Variants in ORC4 observed in about 807,000 individuals in gnomAD.
The protein encoded by ORC4 is origin recognition complex subunit 4.
In ORC4, 55 loss-of-function variants were observed where a neutral mutation model predicts 63.9. That is an observed-to-expected ratio of 0.86 (90% CI 0.69 to 1.08). ORC4 has a LOEUF of 1.08. Among genes scored for constraint, ORC4 ranks in the 50% least tolerant of loss-of-function variants. The pLI, the probability that ORC4 is intolerant of heterozygous loss-of-function variation, is 0.00. For missense variants in ORC4, 511 were observed against 504.4 expected (o/e 1.01, Z -0.13); for synonymous variants, 150 against 168.5 (o/e 0.89, Z 0.85).
chr2:147,946,851 G>T (rs1688685858), intron 9 of ORC4, among the ~76,000 whole-genome samples: 1 of 151,928 alleles, frequency 6.6e-6, no homozygotes, highest in Non-Finnish European at 1.5e-5. Flanking sequence ...TGTAGACCAA[G>T]TAATTATTCC....
At chr2:147,969,387 T>C (rs1024758010) in intron 4 of ORC4, among the ~76,000 whole-genome samples, 42 of 152,086 alleles carry the variant, frequency 2.8e-4, no homozygotes, top group African/African-American at 1.0e-3. Flanking sequence ...AACATCACTA[T>C]ATATCCCATG....
chr2:147,937,667 C>T (rs1688127071), intron 13 of ORC4, among the ~76,000 whole-genome samples: 1 of 152,116 alleles, frequency 6.6e-6, no homozygotes, highest in Non-Finnish European at 1.5e-5. Context: ...TTACATGGCT[C>T]ACATTATCTT....
At chr2:148,013,789 C>T (rs1693109202) in intron 1 of ORC4, among the ~76,000 whole-genome samples, 1 of 151,854 alleles carries the variant, frequency 6.6e-6, no homozygotes, top group Non-Finnish European at 1.5e-5. Flanking sequence ...AATCAAATCT[C>T]AGAAGTAAAA....
chr2:147,998,181 A>G (rs903719472), intron 1 of ORC4, among the ~76,000 whole-genome samples: 16 of 152,238 alleles, frequency 1.1e-4, no homozygotes, highest in Admixed American at 1.3e-4. Flanking sequence ...CAATACAAAA[A>G]AGAAACAAAG....
At position 147,934,565 on chromosome 2, in the gene ORC4, T is replaced by C. The variant is rs1687941764; in HGVS notation, c.*945A>G. 6.6e-6 allele frequency: 1 copy of C among 152,136 alleles called. No individual in the cohort carries two copies. Among genetic ancestry groups the C allele is most frequent in the African/African-American group, 2.4e-5 (1 of 41,438 alleles). The allele number at this position is 152,136 out of a possible 1,614,324, so 9.4% of individuals were successfully genotyped here. A position where few individuals can be genotyped will look rare whatever the true frequency, so the allele number is the denominator to read the frequency against. On this transcript the variant is annotated 3_prime_UTR_variant, in exon 14 of 14. Transcript: ENST00000392857. ...ATGTGTCTTTGGGTGATTTCATCACTGTATGAACATCACAGAGTATACTTA... is the reference window on the plus strand; with the variant it reads ...ATGTGTCTTTGGGTGATTTCATCACCGTATGAACATCACAGAGTATACTTA...
At chr2:147,958,759 A>G in intron 5 of ORC4, 32 bp downstream of exon 5, 1 of 1,066,398 alleles carries the variant, frequency 9.4e-7, no homozygotes, top group South Asian at 1.3e-5. Flanking sequence ...AAGTTTACAT[A>G]ATCTCCAATG....
At chr2:147,988,409 G>T (rs1301956594) in intron 1 of ORC4, among the ~76,000 whole-genome samples, 3 of 151,682 alleles carry the variant, frequency 2.0e-5, no homozygotes, top group Non-Finnish European at 4.4e-5. Context: ...GCCCTGGTGG[G>T]AGTGCAAGGT....
At chr2:147,951,949 T>C (rs776037093) in intron 8 of ORC4, among the ~76,000 whole-genome samples, 2 of 152,238 alleles carry the variant, frequency 1.3e-5, no homozygotes, top group Non-Finnish European at 2.9e-5. Context: ...GTAGAATCTT[T>C]TCCATTTCTG....
intron 4 of ORC4, among the ~76,000 whole-genome samples, chr2:147,962,704 C>A (rs139185495): frequency 2.0e-5 from 3 of 152,040 alleles, no homozygotes; most frequent in African/African-American, 7.3e-5. Context: ...GGAGAGGCCC[C>A]CGAGCATCCA....
intron 6 of ORC4, among the ~76,000 whole-genome samples, chr2:147,957,125 A>C (rs1358387374): frequency 2.0e-5 from 3 of 147,864 alleles, no homozygotes; most frequent in African/African-American, 7.3e-5. Context: ...TTAATAATTT[A>C]GATTATAATC....
chr2:147,981,015 A>C (rs1402126892), intron 1 of ORC4, among the ~76,000 whole-genome samples: 2 of 152,236 alleles, frequency 1.3e-5, no homozygotes, highest in Non-Finnish European at 2.9e-5. Context: ...GTATATATAC[A>C]CAATAGAACA....
At chr2:147,980,919 C>T (rs1416097550) in intron 1 of ORC4, among the ~76,000 whole-genome samples, 1 of 152,098 alleles carries the variant, frequency 6.6e-6, no homozygotes, top group African/African-American at 2.4e-5. Context: ...TATCCTCACT[C>T]CCATATACAC....
intron 4 of ORC4, among the ~76,000 whole-genome samples, chr2:147,971,339 GAA>G (rs1690199071): frequency 6.6e-6 from 1 of 151,368 alleles, no homozygotes; most frequent in South Asian, 2.1e-4. Flanking sequence ...TTAATAGTAT[GAA>G]AAGAAAAGCC....
At chr2:147,976,973 A>C (rs1690595880) in intron 1 of ORC4, among the ~76,000 whole-genome samples, 1 of 152,174 alleles carries the variant, frequency 6.6e-6, no homozygotes, top group African/African-American at 2.4e-5. Flanking sequence ...AAAAGACCTA[A>C]TTTTCTTAGC....
At chr2:147,998,526 T>A (rs561559514) in intron 1 of ORC4, among the ~76,000 whole-genome samples, 1 of 152,278 alleles carries the variant, frequency 6.6e-6, no homozygotes, top group South Asian at 2.1e-4. Flanking sequence ...CTCCTCAGAT[T>A]TTCCTCTCTT....
chr2:147,974,155 A>G (rs1195069976), intron 2 of ORC4, among the ~76,000 whole-genome samples: 1 of 152,214 alleles, frequency 6.6e-6, no homozygotes, highest in Non-Finnish European at 1.5e-5. Context: ...GGCAAAGCAA[A>G]GAAAATGATT....
intron 1 of ORC4, among the ~76,000 whole-genome samples, chr2:147,986,890 A>G (rs1480396048): frequency 6.6e-6 from 1 of 152,156 alleles, no homozygotes; most frequent in African/African-American, 2.4e-5. Flanking sequence ...AGGTGGAAAC[A>G]TAAGTCGTTA....
intron 1 of ORC4, among the ~76,000 whole-genome samples, chr2:147,987,146 G>A (rs1691252302): frequency 6.7e-6 from 1 of 149,006 alleles, no homozygotes; most frequent in African/African-American, 2.5e-5. Flanking sequence ...TCAACACCTT[G>A]AGCAGCTTGA....
In ORC4 at chr2:148,004,047, TA is replaced by T. The variant is rs201225649; in HGVS notation, c.-18+16585del. 7.2e-5 allele frequency among the ~76,000 whole-genome samples: 11 copies of T among 152,114 alleles called. No homozygotes were observed. The East Asian group carries it at 1.9e-3, about 27-fold the overall frequency. ...GAATAAAATACATAGGAATACAACT[TA>T]TAAGGGATGTGAAGGACCGCTTCAA... On this transcript the variant is annotated intron_variant, in intron 1 of 13. Transcript: ENST00000392857.
Sources: allele counts gnomAD v4.1 joint callset (sites outside exome capture counted in the v4.1 genomes callset), GRCh38; gene constraint gnomAD v4.1.1; transcripts MANE v1.5; gene names NCBI Gene and HGNC (gene_info 2026-07-23, HGNC 2026-07-21).